Variants in SVIL observed in about 807,000 individuals in gnomAD.
SVIL encodes archvillin.
In SVIL, 101 loss-of-function variants were observed where a neutral mutation model predicts 240.4. The ratio of observed to expected loss-of-function variants is 0.42; its 90% confidence interval spans 0.36 to 0.50. SVIL has a LOEUF of 0.50. SVIL is among the 20% of genes least tolerant of loss of function. SVIL has a pLI of 0.01. For synonymous variants in SVIL, 999 were observed against 1,100.0 expected, an observed-to-expected ratio of 0.91 and a Z score of 1.82; for missense variants, 2,512 against 2,818.7, an observed-to-expected ratio of 0.89 and a Z score of 2.46.
chr10:29,541,491 T>C (rs1952152899), intron 6 of SVIL, among the ~76,000 whole-genome samples: 1 of 152,212 alleles, frequency 6.6e-6, no homozygotes, highest in Non-Finnish European at 1.5e-5. Flanking sequence ...TAAGGACTTC[T>C]TGAGTACTGA....
At position 29,512,392 on chromosome 10, in the gene SVIL, G is replaced by A. The variant is rs1312728945; in HGVS notation, c.3516+343C>T. Reference sequence around the variant, plus strand: ...TTACATGGAACTTAAAGATATTAGTGGTGAATTCAATTTTTTTCATTATAA... The same window carrying A: ...TTACATGGAACTTAAAGATATTAGTAGTGAATTCAATTTTTTTCATTATAA... On this transcript the variant is annotated intron_variant, in intron 17 of 37. Transcript: ENST00000355867. Among the ~76,000 whole-genome samples the A allele has an allele frequency of 2.0e-5, 3 of 152,236 alleles. No individual in the cohort carries two copies. The East Asian group carries it at 5.8e-4, about 29-fold the overall frequency.
chr10:29,495,135 G>A lies in SVIL; in HGVS notation c.3711C>T (p.Cys1237=), dbSNP rs763784758. Residue 1237 remains cysteine, a synonymous_variant, in exon 19 of 38, where the codon TGC becomes TGT. Transcript: ENST00000355867. ...CGGGTGTGGTGCCTCTTGTTTTACC[G>A]CAAATGGGTGAGGCTACTGGGGTTA... ...TAITPVASPI[C]GKTRGTTPVS... is the part of the protein sequence containing the mutation. 3.9e-5 allele frequency: 62 copies of A among 1,580,124 alleles called. No individual in the cohort carries two copies. Among genetic ancestry groups the A allele is most frequent in the Middle Eastern group, 1.8e-4 (1 of 5,622 alleles).
intron 1 of SVIL, among the ~76,000 whole-genome samples, chr10:29,585,522 T>C (rs1474045163): frequency 1.3e-5 from 2 of 152,148 alleles, no homozygotes; most frequent in African/African-American, 4.8e-5. Context: ...AAAGTGAATT[T>C]GTGCTTTCCC....
intron 1 of SVIL, among the ~76,000 whole-genome samples, chr10:29,694,889 T>C (rs552754205): frequency 2.2e-4 from 33 of 152,288 alleles, no homozygotes; most frequent in African/African-American, 7.9e-4. Flanking sequence ...GGGACAGAAT[T>C]ATAAGGAAAC....
At chr10:29,559,054 A>G (rs946375684) in intron 3 of SVIL, among the ~76,000 whole-genome samples, 1 of 151,298 alleles carries the variant, frequency 6.6e-6, no homozygotes, top group Non-Finnish European at 1.5e-5. Flanking sequence ...TTAATAGCAT[A>G]AAGCCAATAC....
intron 16 of SVIL, among the ~76,000 whole-genome samples, chr10:29,516,508 C>T (rs1370761885): frequency 2.0e-5 from 3 of 152,188 alleles, no homozygotes; most frequent in Non-Finnish European, 2.9e-5. Flanking sequence ...CACAGCCCTC[C>T]GGCTCACCGC....
At chr10:29,723,559 A>G (rs1423647114) in intron 1 of SVIL, among the ~76,000 whole-genome samples, 1 of 152,184 alleles carries the variant, frequency 6.6e-6, no homozygotes, top group Admixed American at 6.5e-5. Flanking sequence ...GGGAATAATA[A>G]TAATTATTAT....
At chr10:29,593,879 C>T (rs1956481235) in intron 1 of SVIL, among the ~76,000 whole-genome samples, 1 of 152,036 alleles carries the variant, frequency 6.6e-6, no homozygotes, top group African/African-American at 2.4e-5. Flanking sequence ...CTTGGCAAAA[C>T]TATGGAGACA....
chr10:29,667,189 T>A (rs1170386487), intron 2 of SVIL, among the ~76,000 whole-genome samples: 3 of 152,166 alleles, frequency 2.0e-5, no homozygotes, highest in African/African-American at 7.2e-5. Flanking sequence ...AATCTGCTCA[T>A]AAATGGAACT....
chr10:29,659,981 C>T (rs1264926976), intron 2 of SVIL, among the ~76,000 whole-genome samples: 2 of 152,094 alleles, frequency 1.3e-5, no homozygotes, highest in Non-Finnish European at 2.9e-5. Flanking sequence ...AGGAGACCCT[C>T]TTATTGAACC....
intron 1 of SVIL, among the ~76,000 whole-genome samples, chr10:29,603,103 C>T (rs1432206938): frequency 6.6e-6 from 1 of 152,088 alleles, no homozygotes; most frequent in Non-Finnish European, 1.5e-5. Flanking sequence ...CTTCCCCTTG[C>T]TGGATGTGTT....
intron 2 of SVIL, among the ~76,000 whole-genome samples, chr10:29,658,616 C>G (rs1045801717): frequency 1.3e-5 from 2 of 152,064 alleles, no homozygotes; most frequent in Non-Finnish European, 2.9e-5. Context: ...ATTAGCTGAG[C>G]GTGGAGGTGT....
chr10:29,664,959 G>A (rs934490615), intron 2 of SVIL, among the ~76,000 whole-genome samples: 1 of 152,094 alleles, frequency 6.6e-6, no homozygotes, highest in Non-Finnish European at 1.5e-5. Context: ...AGAGAACTAA[G>A]AAAGAGGCAA....
intron 17 of SVIL, among the ~76,000 whole-genome samples, chr10:29,506,168 C>T (rs1469507756): frequency 6.6e-6 from 1 of 152,118 alleles, no homozygotes; most frequent in African/African-American, 2.4e-5. Flanking sequence ...AGATGAAGGG[C>T]CGACTGTATA....
rs775882856 is a variant in SVIL at position 29,470,393 on chromosome 10, C to G, written c.5726G>C (p.Arg1909Thr). The stretch of plus-strand genomic sequence containing the variant: ...GACGTTAAGCACCACCATGGAAGTT[C>G]TGGACCTCAGGCTGCTACAGTGACA... ...VACHCSSLRS[R>T]TSMVVLNVNK... is the part of the protein sequence containing the mutation. Residue 1909 changes from arginine to threonine, a missense_variant, in exon 32 of 38, where the codon AGA becomes ACA. Around this residue, in one of 3 missense-constraint regions of SVIL, gnomAD observed 797 missense variants for 925.3 expected, o/e 0.86. Transcript: ENST00000355867. 21 of 1,614,138 alleles carry G rather than the reference C, an allele frequency of 1.3e-5. No individual in the cohort carries two copies. The highest frequency in any genetic ancestry group is 1.7e-5 in the Non-Finnish European group (20 of 1,180,056).
chr10:29,466,455 G>A (rs1944938122), intron 33 of SVIL, among the ~76,000 whole-genome samples: 1 of 152,112 alleles, frequency 6.6e-6, no homozygotes, highest in African/African-American at 2.4e-5. Context: ...AACTTGGCCC[G>A]AGCTGATACA....
At chr10:29,550,487 A>T in intron 6 of SVIL, 110 bp downstream of exon 6, 1 of 1,232,396 alleles carries the variant, frequency 8.1e-7, no homozygotes, top group Non-Finnish European at 1.1e-6. Flanking sequence ...TTTCTCCAAT[A>T]AGCCTTGACT....
chr10:29,702,711 C>T (rs1029512316), intron 1 of SVIL, among the ~76,000 whole-genome samples: 2 of 152,212 alleles, frequency 1.3e-5, no homozygotes, highest in African/African-American at 4.8e-5. Flanking sequence ...AGACCTTTGA[C>T]CTTTGATGAC....
chr10:29,528,598 G>T (rs1292512223), intron 12 of SVIL, among the ~76,000 whole-genome samples: 1 of 151,980 alleles, frequency 6.6e-6, no homozygotes, highest in African/African-American at 2.4e-5. Flanking sequence ...AATTAGCCAG[G>T]TGTGGTGGTT....
Sources: gnomAD v4.1 joint callset for allele counts (sites outside exome capture counted in the v4.1 genomes callset) on GRCh38, gnomAD v4.1.1 for gene constraint, gnomAD v4.1.1 regional missense constraint, MANE v1.5 for transcripts, NCBI Gene and HGNC (gene_info 2026-07-23, HGNC 2026-07-21) for gene names.